The following KRT25 variants were observed in gnomAD, a reference collection of about 807,000 sequenced individuals.
KRT25 encodes keratin, type I cytoskeletal 25.
A neutral mutation model predicts 47.6 loss-of-function variants in KRT25; 37 were observed. The ratio of observed to expected loss-of-function variants is 0.78; its 90% CI spans 0.60 to 1.02. The LOEUF is 1.02. KRT25 is among the 50% of genes least tolerant of loss of function. KRT25 has a pLI of 0.00. For synonymous variants in KRT25, 203 were observed against 210.2 expected (o/e 0.97, Z 0.30); for missense variants, 542 against 550.3 (o/e 0.98, Z 0.15).
At chr17:40,748,559 CAT>C (rs764199522) in intron 7 of KRT25, among the ~76,000 whole-genome samples, 173 bp from the exon 8 acceptor site, 1 of 152,154 alleles carries the variant, frequency 6.6e-6, no homozygotes, top group Non-Finnish European at 1.5e-5. Context: ...AACATGGTGA[CAT>C]GTTATTTTGT....
rs12951078 is a variant in KRT25, at chr17:40,754,960, G to A, written c.312C>T (p.Asn104=). 839,106 of 1,613,758 alleles carry A rather than the reference G, an allele frequency of 0.52. 225,210 individuals are homozygous for A. Among genetic ancestry groups the A allele is most frequent in the East Asian group, 0.83 (37,256 of 44,860 alleles). Residue 104 remains asparagine (N), a synonymous_variant, in exon 1 of 8, where the codon AAC becomes AAT. Coordinates refer to ENST00000312150, the MANE Select transcript of KRT25 (RefSeq NM_181534.4). ...CCTTGATCTTCTGCTCCAGGTCAGCGTTGGCCTCCTCCAGAGCATGCACAC... is the reference window on the plus strand; with the variant it reads ...CCTTGATCTTCTGCTCCAGGTCAGCATTGGCCTCCTCCAGAGCATGCACAC... The part of the protein sequence containing the change: ...LDSVHALEEA[N]ADLEQKIKGW...
intron 2 of KRT25, among the ~76,000 whole-genome samples, 173 bp downstream of exon 2, chr17:40,754,213 A>G (rs1011789645): frequency 3.3e-5 from 5 of 152,234 alleles, no homozygotes; most frequent in African/African-American, 1.2e-4. Flanking sequence ...ATTGGGCGCT[A>G]GTTTTAATAG....
chr17:40,748,219 A>G lies in KRT25; in HGVS notation c.*58T>C. On this transcript the variant is annotated 3_prime_UTR_variant, in exon 8 of 8. Coordinates refer to ENST00000312150, the MANE Select transcript of KRT25 (RefSeq NM_181534.4). Reference sequence around the variant, plus strand: ...GACATGCACATTTTTCTGGACAGATACATAATGCCTTTTCTTCGCAGGGGC... The same window carrying G: ...GACATGCACATTTTTCTGGACAGATGCATAATGCCTTTTCTTCGCAGGGGC... The G allele has an allele frequency of 8.9e-7, 1 of 1,119,134 alleles. No individual in the cohort carries two copies. Among genetic ancestry groups the G allele is most frequent in the East Asian group, 2.5e-5 (1 of 40,434 alleles). The allele number at this position is 1,119,134 out of a possible 1,614,324, so 69.3% of individuals were successfully genotyped here.
Position 40,750,450 on chromosome 17 carries a change from G to C in KRT25, c.1105C>G (p.Leu369Val), listed in dbSNP as rs1231596539. Reference protein sequence around the residue: ...TEGQKLEYEQLLDIKLHLEKE... With the variant: ...TEGQKLEYEQVLDIKLHLEKE... ...TCCAGGTGGAGCTTGATGTCCAGGA[G>C]CTGCTCATACTCCAGCTTCTGGCCC... Residue 369 changes from leucine to valine, a missense_variant, in exon 6 of 8, where the codon CTC (leucine) becomes GTC (valine). Leu to Val is a conservative substitution (Grantham distance 32). Transcript: ENST00000312150. 6.2e-7 allele frequency: 1 copy of C among 1,613,984 alleles called. No homozygotes were observed. Among genetic ancestry groups the C allele is most frequent in the East Asian group, 2.2e-5 (1 of 44,872 alleles).
chr17:40,751,422 T>G, intron 3 of KRT25, 96 bp from the exon 4 acceptor site: 1 of 1,378,286 alleles, frequency 7.3e-7, no homozygotes, highest in Non-Finnish European at 9.7e-7. Context: ...CGTCTGGTTT[T>G]CCCCTCCCAG....
At position 40,754,017 on chromosome 17, in the gene KRT25, C is replaced by T; in HGVS notation, c.513-1G>A. 2 of 1,613,788 alleles carry T rather than the reference C, an allele frequency of 1.2e-6. No individual in the cohort carries two copies. The highest frequency in any genetic ancestry group is 4.5e-5 in the East Asian group (2 of 44,866). On this transcript the variant is annotated splice_acceptor_variant, in intron 2 of 7. Transcript: ENST00000312150. LOFTEE classifies it high-confidence loss of function. Reference sequence around the variant, plus strand: ...GTGAAGAGCCAGCTCATTTTCATACCTTAAAGAGTGTTAATGATTTCCTAA... The same window carrying T: ...GTGAAGAGCCAGCTCATTTTCATACTTTAAAGAGTGTTAATGATTTCCTAA...
At chr17:40,752,434 G>T (rs1349277519) in intron 3 of KRT25, among the ~76,000 whole-genome samples, 2 of 152,094 alleles carry the variant, frequency 1.3e-5, no homozygotes, top group Non-Finnish European at 2.9e-5. Context: ...CTTAATGATG[G>T]TAACTAAGGC....
rs2038093566 is a variant in KRT25 at position 40,755,053 on chromosome 17, C to A, written c.219G>T (p.Gly73=). 3.1e-6 allele frequency: 5 copies of A among 1,614,002 alleles called. No homozygotes were observed. The highest frequency in any genetic ancestry group is 2.2e-5 in the East Asian group (1 of 44,870). ...PCAGFTVNER[G]LLSGNEKVTM... is the part of the protein sequence containing the mutation. The stretch of plus-strand genomic sequence containing the variant: ...TCACCTTCTCATTGCCAGAAAGGAG[C>A]CCCCGCTCATTCACAGTGAAGCCAG... Residue 73 remains glycine (G), a synonymous_variant, in exon 1 of 8, where the codon GGG becomes GGT. Coordinates refer to ENST00000312150, the MANE Select transcript of KRT25 (RefSeq NM_181534.4).
At chr17:40,755,396 C>T, upstream of KRT25, 1 of 876,198 alleles carries the variant, frequency 1.1e-6, no homozygotes. Flanking sequence ...TGAAATTCTG[C>T]CTACACAGAG....
chr17:40,750,393 C>T lies in KRT25; in HGVS notation c.1162G>A (p.Gly388Arg). 1 of 1,613,906 alleles carries T rather than the reference C, an allele frequency of 6.2e-7. No homozygotes were observed. The highest frequency in any genetic ancestry group is 8.5e-7 in the Non-Finnish European group (1 of 1,179,808). The stretch of plus-strand genomic sequence containing the variant: ...TATTTTACCTACCCATCATCTCCTC[C>T]TATAAGGAGACAGTAGGTCTCAATT... ...KEIETYCLLI[G>R]GDDGACKSGG... The change falls in exon 6 of 8, where the codon GGA becomes AGA. Residue 388 changes from glycine (G) to arginine (R), a missense_variant. Transcript: ENST00000312150.
At chr17:40,755,473 C>G, upstream of KRT25, 1 of 558,616 alleles carries the variant, frequency 1.8e-6, no homozygotes, top group East Asian at 3.0e-5. Flanking sequence ...TAGTAACTCA[C>G]TTTGCTGGGC....
chr17:40,754,578 C>T (rs1291601662), intron 1 of KRT25, 110 bp from the exon 2 acceptor site: 19 of 1,023,082 alleles, frequency 1.9e-5, no homozygotes, highest in Non-Finnish European at 2.8e-5. Flanking sequence ...AGTAGGAGGG[C>T]ATGGTGGCAG....
chr17:40,748,644 G>A (rs1253903506), intron 7 of KRT25, among the ~76,000 whole-genome samples: 1 of 152,116 alleles, frequency 6.6e-6, no homozygotes, highest in Non-Finnish European at 1.5e-5. Flanking sequence ...TTTATTGTAT[G>A]TATTCTTACC....
Position 40,755,256 on chromosome 17 carries a change from A to G in KRT25, c.16T>C (p.Ser6Pro), listed in dbSNP as rs543112916. The change falls in exon 1 of 8, where the codon TCC becomes CCC. Residue 6 changes from serine to proline, a missense_variant. Coordinates refer to ENST00000312150, the MANE Select transcript of KRT25 (RefSeq NM_181534.4). ...GGACAGGACCTCCTGGATGCACTGG[A>G]AAGTCGAAGAGACATGGTATCAGGG... is the stretch of plus-strand genomic sequence containing the variant. MSLRL[S>P]SASRRSCPRP... is the part of the protein sequence containing the mutation. The G allele has an allele frequency of 2.5e-6, 4 of 1,613,432 alleles. No individual in the cohort carries two copies. Among genetic ancestry groups the G allele is most frequent in the African/African-American group, 1.3e-5 (1 of 74,928 alleles).
intron 2 of KRT25, 50 bp from the exon 3 acceptor site, chr17:40,754,066 G>A (rs747601705): frequency 6.5e-7 from 1 of 1,531,428 alleles, no homozygotes; most frequent in South Asian, 1.1e-5. Flanking sequence ...TGGAGACATA[G>A]TCACTAGTCA....
intron 2 of KRT25, 99 bp from the exon 3 acceptor site, chr17:40,754,115 G>T (rs1046563714): frequency 8.1e-7 from 1 of 1,227,256 alleles, no homozygotes. Context: ...GAATTTTGAA[G>T]ATTTGGCCAC....
At chr17:40,750,309 G>T (rs2144123418) in intron 6 of KRT25, 71 bp downstream of exon 6, 1 of 1,472,544 alleles carries the variant, frequency 6.8e-7, no homozygotes, top group Non-Finnish European at 9.5e-7. Context: ...CCGCTTTCCA[G>T]TGGAAAGTGG....
At chr17:40,755,375 T>C (rs150056402), upstream of KRT25, 5,308 of 1,067,544 alleles carry the variant, frequency 5.0e-3, 27 homozygotes, top group South Asian at 0.012. Flanking sequence ...AAGTCCCAAG[T>C]GTGTTCTGAA....
chr17:40,748,350 T>C lies in KRT25; in HGVS notation c.1280A>G (p.Glu427Gly). ...TATTTTGCTGCGTTGGTCTACCTCC[T>C]CAAGAACTTTCTTAACCACTATGGC... Reference protein sequence around the residue: ...AKAIVVKKVLEEVDQRSKILT... With the variant: ...AKAIVVKKVLGEVDQRSKILT... The change falls in exon 8 of 8, where the codon GAG becomes GGG. Residue 427 changes from glutamate (E) to glycine (G), a missense_variant. Glu to Gly is a moderately conservative substitution (Grantham distance 98). Coordinates refer to ENST00000312150, the MANE Select transcript of KRT25 (RefSeq NM_181534.4). 1 of 1,613,132 alleles carries C rather than the reference T, an allele frequency of 6.2e-7. No individual in the cohort carries two copies. The highest frequency in any genetic ancestry group is 1.3e-5 in the African/African-American group (1 of 75,032).
Sources: gnomAD v4.1 joint callset for allele counts (sites outside exome capture counted in the v4.1 genomes callset) on GRCh38, gnomAD v4.1.1 for gene constraint, MANE v1.5 for transcripts, NCBI Gene and HGNC (gene_info 2026-07-23, HGNC 2026-07-21) for gene names.